Variants in ZNF565 observed in about 807,000 individuals in gnomAD.
The protein encoded by ZNF565 is zinc finger protein 565.
A neutral mutation model predicts 39.4 loss-of-function variants in ZNF565; 27 were observed. That is an observed-to-expected ratio of 0.69 (90% confidence interval 0.51 to 0.95). The LOEUF (loss-of-function observed/expected upper bound fraction) is 0.95, where lower values mean the gene tolerates loss of function less well. ZNF565 is among the 40% of genes least tolerant of loss of function. ZNF565 has a pLI of 0.00. For missense variants in ZNF565, 524 were observed against 621.1 expected, an observed-to-expected ratio of 0.84 and a Z score of 1.66; for synonymous variants, 185 against 216.6, an observed-to-expected ratio of 0.85 and a Z score of 1.28.
chr19:36,194,007 A>G (rs562046186), intron 4 of ZNF565, among the ~76,000 whole-genome samples: 18 of 152,280 alleles, frequency 1.2e-4, no homozygotes, highest in Non-Finnish European at 2.2e-4. Flanking sequence ...CTCTTTTTAA[A>G]AAGAAAGGAA....
At chr19:36,210,419 CAAAAAAAAAAAAAA>C (rs35345882) in intron 1 of ZNF565, among the ~76,000 whole-genome samples, 1 of 67,030 alleles carries the variant, frequency 1.5e-5, no homozygotes. Context: ...AATTCTGTCT[CAAAAAAAAAAAAAA>C]AAAAAAAAAA....
chr19:36,234,888 G>C (rs559302052), intron 1 of ZNF565, among the ~76,000 whole-genome samples: 2 of 152,074 alleles, frequency 1.3e-5, no homozygotes, highest in Non-Finnish European at 2.9e-5. Context: ...CTTTGTTCTC[G>C]TGACTGGACA....
chr19:36,189,703 A>G (rs1975455600), intron 4 of ZNF565, among the ~76,000 whole-genome samples: 1 of 152,234 alleles, frequency 6.6e-6, no homozygotes, highest in South Asian at 2.1e-4. Flanking sequence ...GCAAGAAATT[A>G]GAAAACACAC....
chr19:36,183,630 G>A lies in ZNF565; in HGVS notation c.336C>T (p.Gly112=). ...ATTCCCAGTCAGCTCTAAAATCGGA[G>A]CCCTCCAGGTCACTGCATTTAAGGC... ...MESLKCSDLE[G]SDFRADWECE... is the part of the protein sequence containing the mutation. Residue 112 remains glycine, a synonymous_variant, in exon 5 of 5, where the codon GGC becomes GGT. Transcript: ENST00000304116. The A allele has an allele frequency of 6.2e-7, 1 of 1,614,148 alleles. No homozygotes were observed. The highest frequency in any genetic ancestry group is 1.3e-5 in the African/African-American group (1 of 75,042).
chr19:36,209,147 T>A (rs902895290), intron 1 of ZNF565, among the ~76,000 whole-genome samples: 4 of 152,130 alleles, frequency 2.6e-5, no homozygotes, highest in Admixed American at 6.6e-5. Flanking sequence ...CCTAAAATGG[T>A]AAATTCTTTG....
At chr19:36,191,763 A>G (rs1443361282) in intron 4 of ZNF565, among the ~76,000 whole-genome samples, 1 of 152,212 alleles carries the variant, frequency 6.6e-6, no homozygotes, top group Non-Finnish European at 1.5e-5. Context: ...AATTCCAATT[A>G]ATAAATGGTG....
chr19:36,226,446 A>G (rs1023796616), intron 1 of ZNF565, among the ~76,000 whole-genome samples: 5 of 152,208 alleles, frequency 3.3e-5, no homozygotes, highest in African/African-American at 1.2e-4. Context: ...GCTTTTTTAT[A>G]TGATTACAAC....
intron 1 of ZNF565, among the ~76,000 whole-genome samples, chr19:36,208,247 T>A (rs1386667865): frequency 2.0e-5 from 3 of 149,004 alleles, no homozygotes; most frequent in Admixed American, 6.8e-5. Flanking sequence ...AGGATCTCAC[T>A]CTCACCCAGG....
chr19:36,230,161 G>A (rs1273465830), intron 1 of ZNF565, among the ~76,000 whole-genome samples: 1 of 152,224 alleles, frequency 6.6e-6, no homozygotes, highest in Non-Finnish European at 1.5e-5. Flanking sequence ...TACTTTTTAA[G>A]TGGAATACAG....
At chr19:36,195,967 C>T (rs537789638) in intron 2 of ZNF565, among the ~76,000 whole-genome samples, 8 of 147,646 alleles carry the variant, frequency 5.4e-5, no homozygotes, top group Non-Finnish European at 1.0e-4. Flanking sequence ...GACAGAGTCT[C>T]GCTCTGTCAC....
chr19:36,236,291 A>T, intron 1 of ZNF565: 1 of 929,184 alleles, frequency 1.1e-6, no homozygotes, highest in Non-Finnish European at 1.6e-6. Context: ...CTCAAACCTT[A>T]TCCCTTACTC....
intron 1 of ZNF565, among the ~76,000 whole-genome samples, chr19:36,222,762 A>G (rs889861649): frequency 3.1e-5 from 4 of 128,488 alleles, no homozygotes; most frequent in South Asian, 2.5e-4. Context: ...TTAGCCCTGT[A>G]TGAAATGAGT....
intron 1 of ZNF565, among the ~76,000 whole-genome samples, chr19:36,225,623 T>C (rs1274502419): frequency 6.6e-6 from 1 of 152,052 alleles, no homozygotes; most frequent in African/African-American, 2.4e-5. Context: ...GCTAGTTTTT[T>C]TGTATTTTTT....
At chr19:36,188,864 G>A (rs1026437828) in intron 4 of ZNF565, among the ~76,000 whole-genome samples, 5 of 151,964 alleles carry the variant, frequency 3.3e-5, no homozygotes, top group African/African-American at 7.3e-5. Context: ...GCCATAAAAA[G>A]AATAAAATTC....
intron 3 of ZNF565, 79 bp from the exon 4 acceptor site, chr19:36,194,407 A>T: frequency 8.5e-7 from 1 of 1,172,706 alleles, no homozygotes. Context: ...CATGGAAAAG[A>T]CGCAATTACA....
chr19:36,183,993 G>A (rs1397975659), intron 4 of ZNF565, among the ~76,000 whole-genome samples: 5 of 143,186 alleles, frequency 3.5e-5, no homozygotes, highest in Non-Finnish European at 6.0e-5. Context: ...CAGGAGAATC[G>A]CTTGAACCTG....
At chr19:36,238,922 T>C (rs1977746498) in intron 1 of ZNF565, 1 of 153,906 alleles carries the variant, frequency 6.5e-6, no homozygotes, top group Admixed American at 6.5e-5. Context: ...TTAGTTCTCA[T>C]AGGAGCGCGA....
chr19:36,199,018 A>G (rs1975861750), intron 2 of ZNF565, among the ~76,000 whole-genome samples: 1 of 152,234 alleles, frequency 6.6e-6, no homozygotes, highest in African/African-American at 2.4e-5. Context: ...GCATGCCTGT[A>G]TCACAACATC....
chr19:36,220,365 TAA>T (rs1568429101), intron 1 of ZNF565, among the ~76,000 whole-genome samples: 3 of 120,030 alleles, frequency 2.5e-5, no homozygotes, highest in Non-Finnish European at 2.1e-5. Flanking sequence ...TTTTTTAATT[TAA>T]TTTTATTTTA....
Sources: gnomAD v4.1 joint callset for allele counts (sites outside exome capture counted in the v4.1 genomes callset) on GRCh38, gnomAD v4.1.1 for gene constraint, MANE v1.5 for transcripts, NCBI Gene and HGNC (gene_info 2026-07-23, HGNC 2026-07-21) for gene names.